CELF2: variants seen among roughly 807,000 people sequenced by gnomAD.
CELF2 encodes the protein CUGBP Elav-like family member 2.
Under a neutral mutation model 62.6 loss-of-function variants are expected in CELF2, and 8 were observed. That is an observed-to-expected ratio of 0.13 (90% CI 0.07 to 0.23). The LOEUF (loss-of-function observed/expected upper bound fraction) is 0.23, where lower values mean the gene tolerates loss of function less well. Ranked by LOEUF, CELF2 falls within the 10% of genes least tolerant of loss-of-function variation. The pLI is 1.00. For missense variants in CELF2, 333 were observed against 671.0 expected, an observed-to-expected ratio of 0.50 and a Z score of 5.56; for synonymous variants, 258 against 250.0, an observed-to-expected ratio of 1.03 and a Z score of -0.30.
intron 2 of CELF2, among the ~76,000 whole-genome samples, chr10:11,197,028 A>AG (rs2057913830): frequency 9.5e-5 from 2 of 20,976 alleles, no homozygotes; most frequent in African/African-American, 7.7e-4. Context: ...AAGAAAGAAA[A>AG]GAAAGAAAGA....
chr10:11,077,163 C>T (rs1213604009), intron 1 of CELF2, among the ~76,000 whole-genome samples: 4 of 152,094 alleles, frequency 2.6e-5, no homozygotes, highest in African/African-American at 4.8e-5. Flanking sequence ...CACACAGTGC[C>T]GAGGGTTATC....
the CELF2 span, among the ~76,000 whole-genome samples, chr10:10,529,445 G>A: frequency 6.6e-6 from 1 of 152,162 alleles, no homozygotes; most frequent in East Asian, 1.9e-4. Context: ...CCAGCACTAT[G>A]GGAGGCCAAC....
At position 11,223,713 on chromosome 10, in the gene CELF2, G is replaced by T. The variant is rs560557767; in HGVS notation, c.354+6206G>T. ...GCAGTATGAAAGGGGTAGGGGCAGA[G>T]TGTAGACCCAGCCCCAAGTCGGGCT... On this transcript the variant is annotated intron_variant, in intron 3 of 12. Transcript: ENST00000633077. This position sits in a 1 kb window ranked among gnomAD's most constrained non-coding sequence, Gnocchi z 5.1. Among the ~76,000 whole-genome samples the T allele has an allele frequency of 6.6e-6, 1 of 152,222 alleles. No homozygotes were observed. Among genetic ancestry groups the T allele is most frequent in the South Asian group, 2.1e-4 (1 of 4,824 alleles).
intron 1 of CELF2, among the ~76,000 whole-genome samples, chr10:11,125,855 A>T (rs948945873): frequency 6.6e-6 from 1 of 151,910 alleles, no homozygotes; most frequent in Non-Finnish European, 1.5e-5. Flanking sequence ...TTTCAAACGG[A>T]GTAATACTCT....
chr10:11,197,067 A>G (rs373975216), intron 2 of CELF2, among the ~76,000 whole-genome samples: 4 of 101,280 alleles, frequency 3.9e-5, no homozygotes, highest in South Asian at 3.0e-4. Context: ...GAAAAGAAAG[A>G]AAGGAAAGAA....
chr10:11,212,834 C>T (rs551999262), intron 2 of CELF2, among the ~76,000 whole-genome samples: 4 of 150,974 alleles, frequency 2.6e-5, no homozygotes, highest in East Asian at 2.0e-4. Context: ...TGAAGTCACC[C>T]GGGCATGGAA....
chr10:11,210,111 A>G (rs950217124), intron 2 of CELF2, among the ~76,000 whole-genome samples: 2 of 152,200 alleles, frequency 1.3e-5, no homozygotes, highest in Admixed American at 1.3e-4. Flanking sequence ...GGAATTTCCT[A>G]TTTACAACAT....
At chr10:10,620,917 C>CAAA in the CELF2 span, among the ~76,000 whole-genome samples, 63 of 35,774 alleles carry the variant, frequency 1.8e-3, no homozygotes, top group South Asian at 7.0e-3. Context: ...GACCCCATCT[C>CAAA]AAAAAAAAAA....
chr10:11,322,247 T>C (rs1431812788), intron 11 of CELF2, among the ~76,000 whole-genome samples: 3 of 152,228 alleles, frequency 2.0e-5, no homozygotes, highest in Non-Finnish European at 1.5e-5. Context: ...ATGAAATCCA[T>C]GGTTAGGATT....
rs967547426 is a variant in CELF2, at chr10:11,217,164, T to C, written c.272-261T>C. 1.3e-5 allele frequency among the ~76,000 whole-genome samples: 2 copies of C among 152,216 alleles called. No homozygotes were observed. The highest frequency in any genetic ancestry group is 4.1e-4 in the South Asian group (2 of 4,834). The stretch of plus-strand genomic sequence containing the variant: ...CCCATTCCTCCACCACCTCCCACCC[T>C]CATTCTTGAATAGCTGTATTCCAGA... On this transcript the variant is annotated intron_variant, in intron 2 of 12. Coordinates refer to ENST00000633077, the MANE Select transcript of CELF2 (RefSeq NM_001326342.2). This position sits in a 1 kb window ranked among gnomAD's most constrained non-coding sequence, Gnocchi z 5.6.
chr10:11,128,828 G>A (rs1191054353), intron 1 of CELF2, among the ~76,000 whole-genome samples: 2 of 152,160 alleles, frequency 1.3e-5, no homozygotes, highest in Non-Finnish European at 2.9e-5. Context: ...TGCAAACAGG[G>A]ACAATTTGAC....
At chr10:11,210,402 C>T (rs534946705) in intron 2 of CELF2, among the ~76,000 whole-genome samples, 3 of 152,294 alleles carry the variant, frequency 2.0e-5, no homozygotes, top group Admixed American at 6.5e-5. Context: ...TTCTCATGCC[C>T]AACCCCATAA....
chr10:10,684,284 A>T, the CELF2 span, among the ~76,000 whole-genome samples: 1 of 152,178 alleles, frequency 6.6e-6, no homozygotes, highest in Non-Finnish European at 1.5e-5. Context: ...GTTGATATAC[A>T]ATTATCTAAT....
At chr10:10,949,846 A>C (rs74670590) in intron 2 of CELF2, among the ~76,000 whole-genome samples, 1 of 151,796 alleles carries the variant, frequency 6.6e-6, no homozygotes, top group Non-Finnish European at 1.5e-5. Context: ...AAAAAAAAAA[A>C]AACTCACCTA....
intron 2 of CELF2, among the ~76,000 whole-genome samples, chr10:11,193,600 G>T (rs931176643): frequency 1.3e-5 from 2 of 152,166 alleles, no homozygotes; most frequent in Non-Finnish European, 1.5e-5. Context: ...TTCCACCTGA[G>T]GACTCCAGTG....
chr10:10,680,921 C>T, the CELF2 span, among the ~76,000 whole-genome samples: 1 of 152,086 alleles, frequency 6.6e-6, no homozygotes, highest in Non-Finnish European at 1.5e-5. Flanking sequence ...CATATAAATG[C>T]TTAAGTATTA....
chr10:11,059,885 T>A lies in CELF2; in HGVS notation c.74+41722T>A, dbSNP rs78108251. Among the ~76,000 whole-genome samples, 37 of 152,336 alleles carry A rather than the reference T, an allele frequency of 2.4e-4. No homozygotes were observed. In the East Asian group the frequency reaches 6.9e-3, roughly 29 times the overall value. On this transcript the variant is annotated intron_variant, in intron 1 of 12. Coordinates refer to ENST00000633077, the MANE Select transcript of CELF2 (RefSeq NM_001326342.2). ...GCCTTTGCATTTAAATTGCTGGAGT[T>A]TATCTGATTAGGATAGGTTTCAACT...
Position 11,305,137 on chromosome 10 carries a change from A to G in CELF2, c.977-9002A>G, listed in dbSNP as rs888097700. Among the ~76,000 whole-genome samples the G allele has an allele frequency of 3.9e-5, 6 of 152,142 alleles. No homozygotes were observed. Among genetic ancestry groups the G allele is most frequent in the Admixed American group, 6.5e-5 (1 of 15,282 alleles). On this transcript the variant is annotated intron_variant, in intron 9 of 12. Coordinates refer to ENST00000633077, the MANE Select transcript of CELF2 (RefSeq NM_001326342.2). This position sits in a 1 kb window ranked among gnomAD's most constrained non-coding sequence, Gnocchi z 4.8. ...GTCTGATAGTCACCCCTCCTCCCACAGGAAATCCAAGGCTGGTGAGGGGCT... is the reference window on the plus strand; with the variant it reads ...GTCTGATAGTCACCCCTCCTCCCACGGGAAATCCAAGGCTGGTGAGGGGCT...
intron 9 of CELF2, among the ~76,000 whole-genome samples, chr10:11,294,444 G>T (rs2139894833): frequency 6.6e-6 from 1 of 152,242 alleles, no homozygotes; most frequent in South Asian, 2.1e-4. Flanking sequence ...TGGGAAGATG[G>T]GCTTAGCCTT....
Sources: gnomAD v4.1 joint callset for allele counts (sites outside exome capture counted in the v4.1 genomes callset) on GRCh38, gnomAD v4.1.1 for gene constraint, Gnocchi (gnomAD v3.1) non-coding constraint, MANE v1.5 for transcripts, NCBI Gene and HGNC (gene_info 2026-07-23, HGNC 2026-07-21) for gene names.